Variants in NOTCH1 observed in about 807,000 individuals in gnomAD.
NOTCH1 encodes neurogenic locus notch homolog protein 1.
Under a neutral mutation model 254.8 loss-of-function variants are expected in NOTCH1, and 37 were observed. The ratio of observed to expected loss-of-function variants is 0.15; its 90% confidence interval spans 0.11 to 0.19. The LOEUF is 0.19. NOTCH1 is among the 10% of genes least tolerant of loss of function. NOTCH1 has a pLI of 1.00. For synonymous variants in NOTCH1, 1,731 were observed against 1,618.1 expected (o/e 1.07, Z -1.68); for missense variants, 2,972 against 3,708.6 (o/e 0.80, Z 5.16).
chr9:136,518,138 C>T lies in NOTCH1; in HGVS notation c.1254G>A (p.Leu418=). 1 of 1,585,804 alleles carries T rather than the reference C, an allele frequency of 6.3e-7. No homozygotes were observed. Among genetic ancestry groups the T allele is most frequent in the Middle Eastern group, 1.7e-4 (1 of 5,954 alleles). ...ACSQDVDECS[L]GANPCEHAGK... is the part of the protein sequence containing the mutation. ...CGCACCCCCTGTGCTGGCACCTACC[C>T]AGCGAGCACTCATCCACGTCCTGGC... is the stretch of plus-strand genomic sequence containing the variant. The change falls in exon 7 of 34, where the codon CTG becomes CTA. Residue 418 remains leucine (L), a splice_region_variant and synonymous_variant. Transcript: ENST00000651671.
chr9:136,501,169 T>G (rs1842989083), intron 30 of NOTCH1, among the ~76,000 whole-genome samples: 1 of 152,170 alleles, frequency 6.6e-6, no homozygotes, highest in Non-Finnish European at 1.5e-5. Flanking sequence ...ATGCGGAGGC[T>G]CACGCTGTCA....
In NOTCH1 at chr9:136,545,677, T is replaced by C; in HGVS notation, c.61+49A>G. The C allele has an allele frequency of 1.4e-6, 2 of 1,421,064 alleles. No individual in the cohort carries two copies. Among genetic ancestry groups the C allele is most frequent in the Non-Finnish European group, 1.8e-6 (2 of 1,084,150 alleles). 88.0% of individuals were successfully genotyped at this position (1,421,064 alleles called of 1,614,324 possible). A position where few individuals can be genotyped will look rare whatever the true frequency, so the allele number is the denominator to read the frequency against. On this transcript the variant is annotated intron_variant, in intron 1 of 33. Coordinates refer to ENST00000651671, the MANE Select transcript of NOTCH1 (RefSeq NM_017617.5). The surrounding 1 kb of genome is among the most constrained non-coding windows in gnomAD (Gnocchi z 6.8). ...GCGCGCGCGCCGGGCGCCGCCAAAG[T>C]TTCCAAAGGGCGCGGAAAGTGGGGG...
At chr9:136,539,025 G>A (rs1416609325) in intron 2 of NOTCH1, among the ~76,000 whole-genome samples, 1 of 152,192 alleles carries the variant, frequency 6.6e-6, no homozygotes, top group African/African-American at 2.4e-5. Flanking sequence ...ACAGGTGCAG[G>A]GAATGAGGAA....
intron 27 of NOTCH1, chr9:136,502,752 T>G: frequency 3.5e-6 from 2 of 572,270 alleles, no homozygotes; most frequent in South Asian, 2.1e-5. Context: ...TTAGTCAACT[T>G]CAAATCGCTG....
At position 136,545,728 on chromosome 9, in the gene NOTCH1, C is replaced by T; in HGVS notation, c.59G>A (p.Arg20Gln). Residue 20 changes from arginine to glutamine, a missense_variant and splice_region_variant, in exon 1 of 34, where the codon CGA becomes CAA. This residue lies in a region of NOTCH1 where 374 missense variants were observed against 496.3 expected (regional missense o/e 0.75). Transcript: ENST00000651671. This position sits in a 1 kb window ranked among gnomAD's most constrained non-coding sequence, Gnocchi z 6.8. ...CLALLPALAA[R>Q]GPRCSQPGET... ...CTCGCGGGTGGGTGGGCGCCTACCTCGTGCGGCGAGCGCGGGCAGCAGCGC... is the reference window on the plus strand; with the variant it reads ...CTCGCGGGTGGGTGGGCGCCTACCTTGTGCGGCGAGCGCGGGCAGCAGCGC... The T allele has an allele frequency of 4.2e-6, 6 of 1,428,038 alleles. No homozygotes were observed. In the East Asian group the frequency reaches 1.2e-4, roughly 30 times the overall value. The allele number at this position is 1,428,038 out of a possible 1,614,324, so 88.5% of individuals were successfully genotyped here. A position where few individuals can be genotyped will look rare whatever the true frequency, so the allele number is the denominator to read the frequency against.
chr9:136,508,761 G>A (rs1564193369), intron 19 of NOTCH1, 109 bp downstream of exon 19: 1 of 1,144,484 alleles, frequency 8.7e-7, no homozygotes, highest in Non-Finnish European at 1.2e-6. Context: ...GGGTGTGGGG[G>A]TGACCCCGAG....
At chr9:136,515,182 TG>T in intron 12 of NOTCH1, 107 bp downstream of exon 12, 1 of 998,910 alleles carries the variant, frequency 1.0e-6, no homozygotes, top group Non-Finnish European at 1.5e-6. Context: ...TCTGCCCAGG[TG>T]GGCAGCACCA....
intron 19 of NOTCH1, 112 bp downstream of exon 19, chr9:136,508,758 G>C (rs913293661): frequency 9.0e-7 from 1 of 1,116,362 alleles, no homozygotes; most frequent in Non-Finnish European, 1.3e-6. Context: ...CGGGGGTGTG[G>C]GGGTGACCCC....
chr9:136,497,511 G>A lies in NOTCH1; in HGVS notation c.6228C>T (p.Thr2076=), dbSNP rs531156367. 98 of 1,611,116 alleles carry A rather than the reference G, an allele frequency of 6.1e-5. No homozygotes were observed. The East Asian group carries it at 6.2e-4, about 10-fold the overall frequency. ...CAAAGTGGTCCAGCAGCACCTTGGC[G>A]GTCTCGTAGCTGCCCTCCCGGGCGG... ...FLAAREGSYE[T]AKVLLDHFAN... Residue 2076 remains threonine (T), a synonymous_variant, in exon 34 of 34, where the codon ACC becomes ACT. Coordinates refer to ENST00000651671, the MANE Select transcript of NOTCH1 (RefSeq NM_017617.5).
At chr9:136,541,640 C>A (rs972110675) in intron 2 of NOTCH1, among the ~76,000 whole-genome samples, 1 of 152,152 alleles carries the variant, frequency 6.6e-6, no homozygotes, top group Non-Finnish European at 1.5e-5. Context: ...TGGGCAGGAA[C>A]GGGAAGGCAG....
At chr9:136,515,748 C>G (rs1193161024) in intron 10 of NOTCH1, 32 bp from the exon 11 acceptor site, 13 of 1,522,552 alleles carry the variant, frequency 8.5e-6, no homozygotes, top group East Asian at 2.5e-5. Context: ...CACAGGAAGA[C>G]TTAGGACTGG....
At chr9:136,525,822 G>A (rs1023741475) in intron 2 of NOTCH1, among the ~76,000 whole-genome samples, 5 of 152,242 alleles carry the variant, frequency 3.3e-5, no homozygotes, top group Non-Finnish European at 7.3e-5. Flanking sequence ...CCACGCCCCT[G>A]TCCCAAAGGC....
intron 28 of NOTCH1, 85 bp downstream of exon 28, chr9:136,502,187 C>T (rs900766848): frequency 1.3e-5 from 17 of 1,264,288 alleles, no homozygotes; most frequent in South Asian, 3.6e-5. Flanking sequence ...GGCCCTGGGT[C>T]GGGAGGGGCA....
At chr9:136,518,422 A>T in intron 6 of NOTCH1, 130 bp from the exon 7 acceptor site, 1 of 1,302,454 alleles carries the variant, frequency 7.7e-7, no homozygotes, top group Non-Finnish European at 1.1e-6. Context: ...GCATCCCGTG[A>T]CACTTGGGAC....
intron 2 of NOTCH1, among the ~76,000 whole-genome samples, chr9:136,541,930 C>T (rs1419570413): frequency 3.3e-5 from 5 of 152,234 alleles, no homozygotes; most frequent in African/African-American, 9.6e-5. Flanking sequence ...CTGAAGCAGG[C>T]TTCCCGCCAA....
At chr9:136,533,908 A>T (rs1843601360) in intron 2 of NOTCH1, among the ~76,000 whole-genome samples, 1 of 152,202 alleles carries the variant, frequency 6.6e-6, no homozygotes. Flanking sequence ...GCACGAACGC[A>T]TCTCTAATAA....
rs537508229 is a variant in NOTCH1, at chr9:136,540,574, G to T, written c.140+3450C>A. ...GCTGACCAGGTGCCCTCTCCACACG[G>T]TTCTCATGCAATCCTCACACACCAC... On this transcript the variant is annotated intron_variant, in intron 2 of 33. Coordinates refer to ENST00000651671, the MANE Select transcript of NOTCH1 (RefSeq NM_017617.5). This position sits in a 1 kb window ranked among gnomAD's most constrained non-coding sequence, Gnocchi z 4.4. Among the ~76,000 whole-genome samples, 3 of 152,262 alleles carry T rather than the reference G, an allele frequency of 2.0e-5. No homozygotes were observed. Among genetic ancestry groups the T allele is most frequent in the South Asian group, 4.2e-4 (2 of 4,816 alleles).
At chr9:136,516,420 A>G (rs1843273495) in intron 9 of NOTCH1, among the ~76,000 whole-genome samples, 1 of 152,174 alleles carries the variant, frequency 6.6e-6, no homozygotes, top group Admixed American at 6.5e-5. Flanking sequence ...TTGGGAGCCT[A>G]GGCTTGGGCT....
intron 30 of NOTCH1, 131 bp downstream of exon 30, chr9:136,501,617 C>T (rs989970862): frequency 2.6e-6 from 3 of 1,135,282 alleles, no homozygotes; most frequent in Non-Finnish European, 3.8e-6. Context: ...ATGGGAAACA[C>T]CCCAAGGATG....
Sources: allele counts gnomAD v4.1 joint callset (sites outside exome capture counted in the v4.1 genomes callset), GRCh38; gene constraint gnomAD v4.1.1; regional missense constraint gnomAD v4.1.1; non-coding constraint Gnocchi (gnomAD v3.1); transcripts MANE v1.5; gene names NCBI Gene and HGNC (gene_info 2026-07-23, HGNC 2026-07-21).